The following MDGA2 variants were observed in gnomAD, a reference collection of about 807,000 sequenced individuals.
MDGA2 encodes MAM domain containing glycosylphosphatidylinositol anchor 2.
A neutral mutation model predicts 117.8 loss-of-function variants in MDGA2; 40 were observed. The ratio of observed to expected loss-of-function variants is 0.34; its 90% CI spans 0.26 to 0.44. The LOEUF is 0.44. Ranked by LOEUF, MDGA2 falls within the 20% of genes least tolerant of loss-of-function variation. The pLI is 1.00. For synonymous variants in MDGA2, 452 were observed against 439.0 expected, an observed-to-expected ratio of 1.03 and a Z score of -0.37; for missense variants, 1,123 against 1,250.6, an observed-to-expected ratio of 0.90 and a Z score of 1.54.
At chr14:47,118,194 G>A (rs1881434376) in intron 5 of MDGA2, among the ~76,000 whole-genome samples, 1 of 152,102 alleles carries the variant, frequency 6.6e-6, no homozygotes, top group Admixed American at 6.5e-5. Context: ...ACTATTCAAG[G>A]AGCTACATTT....
chr14:47,475,833 G>A (rs570306139), intron 1 of MDGA2, among the ~76,000 whole-genome samples: 8 of 152,112 alleles, frequency 5.3e-5, no homozygotes, highest in Non-Finnish European at 4.4e-5. Context: ...GTCAGGGATC[G>A]GGGAGCATCA....
chr14:47,489,199 A>G (rs1894118070), intron 1 of MDGA2, among the ~76,000 whole-genome samples: 1 of 123,036 alleles, frequency 8.1e-6, no homozygotes. Context: ...TGCTTCTCTG[A>G]CACAAAAAAA....
At chr14:47,459,739 C>T (rs1014709390) in intron 1 of MDGA2, among the ~76,000 whole-genome samples, 4 of 152,046 alleles carry the variant, frequency 2.6e-5, no homozygotes, top group Non-Finnish European at 5.9e-5. Flanking sequence ...TCATTATTCT[C>T]TGTCTCAAAC....
At chr14:47,306,842 G>GGAGAGAGA (rs10629208) in intron 1 of MDGA2, among the ~76,000 whole-genome samples, 4,957 of 146,602 alleles carry the variant, frequency 0.034, 234 homozygotes, top group African/African-American at 0.1. Context: ...AGAGAAAGAG[G>GGAGAGAGA]GAGAGAGAGA....
intron 1 of MDGA2, among the ~76,000 whole-genome samples, chr14:47,617,956 T>A (rs1389637170): frequency 6.6e-6 from 1 of 152,174 alleles, no homozygotes; most frequent in Non-Finnish European, 1.5e-5. Context: ...AATAACTTTT[T>A]AATTAAAAAG....
At chr14:46,905,649 T>C (rs1016717051) in intron 10 of MDGA2, among the ~76,000 whole-genome samples, 10 of 152,154 alleles carry the variant, frequency 6.6e-5, no homozygotes, top group Admixed American at 5.9e-4. Context: ...GTTACTATAT[T>C]GCTAGATGCT....
At chr14:46,965,538 GTT>G (rs1885993005) in intron 8 of MDGA2, among the ~76,000 whole-genome samples, 2 of 152,080 alleles carry the variant, frequency 1.3e-5, no homozygotes, top group African/African-American at 4.8e-5. Context: ...TTCCAGGGTG[GTT>G]TCTTCACCGC....
At chr14:47,131,679 T>C (rs370916409) in intron 5 of MDGA2, 35 bp downstream of exon 5, 8 of 1,442,294 alleles carry the variant, frequency 5.5e-6, no homozygotes, top group South Asian at 1.6e-5. Context: ...TAGTTGTAGA[T>C]AAGATACATG....
chr14:46,845,701 A>G, intron 16 of MDGA2, 65 bp downstream of exon 16: 2 of 948,322 alleles, frequency 2.1e-6, no homozygotes, highest in Admixed American at 5.0e-5. Flanking sequence ...ATTAAATTAA[A>G]TGTTAATTTA....
At chr14:46,993,211 A>G (rs1422333425) in intron 8 of MDGA2, among the ~76,000 whole-genome samples, 2 of 152,290 alleles carry the variant, frequency 1.3e-5, no homozygotes, top group East Asian at 3.9e-4. Context: ...ATTGTTTATT[A>G]AGCACATTTT....
At chr14:47,123,719 G>A (rs1881762793) in intron 5 of MDGA2, among the ~76,000 whole-genome samples, 1 of 151,958 alleles carries the variant, frequency 6.6e-6, no homozygotes, top group African/African-American at 2.4e-5. Context: ...TCTAACATAT[G>A]CAGTGACAAA....
rs56244321 is a variant in MDGA2, at chr14:47,563,578, GTTTTTTTTTTTTTT to G, written c.280+110925_280+110938del. Among the ~76,000 whole-genome samples, 88 of 56,948 alleles carry G rather than the reference GTTTTTTTTTTTTTT, an allele frequency of 1.5e-3. 1 individual carries two copies. Among genetic ancestry groups the G allele is most frequent in the East Asian group, 7.3e-3 (19 of 2,592 alleles). 37.4% of individuals were successfully genotyped at this position (56,948 alleles called of 152,430 possible). ...AGAATAGCAACCCCTGCTTTTTTCT[GTTTTTTTTTTTTTT>G]TTTTTTTTTTTTTTTTTGCTTGGTA... On this transcript the variant is annotated intron_variant, in intron 1 of 16. Transcript: ENST00000399232.
chr14:47,284,168 A>G (rs1419988838), intron 2 of MDGA2, among the ~76,000 whole-genome samples: 3 of 152,218 alleles, frequency 2.0e-5, no homozygotes, highest in Non-Finnish European at 2.9e-5. Context: ...AGAAGCACCC[A>G]TCCCAAATAA....
intron 2 of MDGA2, among the ~76,000 whole-genome samples, chr14:47,282,242 T>C (rs1888516980): frequency 2.6e-5 from 4 of 152,294 alleles, no homozygotes; most frequent in Admixed American, 2.0e-4. Flanking sequence ...GCTGGTGTTA[T>C]TATATACTAA....
At chr14:47,417,288 A>C (rs900380413) in intron 1 of MDGA2, among the ~76,000 whole-genome samples, 1 of 152,226 alleles carries the variant, frequency 6.6e-6, no homozygotes, top group Non-Finnish European at 1.5e-5. Context: ...AAATTTCTTC[A>C]AACATTCTAC....
intron 1 of MDGA2, among the ~76,000 whole-genome samples, chr14:47,455,249 T>C (rs760439825): frequency 1.3e-5 from 2 of 152,210 alleles, no homozygotes; most frequent in Non-Finnish European, 1.5e-5. Flanking sequence ...CTCACGCCTA[T>C]AATCCCAGCA....
At chr14:47,422,489 T>A in intron 1 of MDGA2, among the ~76,000 whole-genome samples, 1 of 152,122 alleles carries the variant, frequency 6.6e-6, no homozygotes, top group Admixed American at 6.6e-5. Flanking sequence ...TTCCCGAAAT[T>A]CAAGCTAAGA....
At chr14:47,622,681 A>G (rs770665816) in intron 1 of MDGA2, among the ~76,000 whole-genome samples, 19 of 152,234 alleles carry the variant, frequency 1.2e-4, no homozygotes, top group Non-Finnish European at 2.1e-4. Context: ...ATAAGTAGGG[A>G]AACTGACCCA....
chr14:47,627,050 G>A (rs1897158469), intron 1 of MDGA2, among the ~76,000 whole-genome samples: 1 of 152,206 alleles, frequency 6.6e-6, no homozygotes. Context: ...GTCTAGCTCA[G>A]GGTTTGTGAA....
Sources: gnomAD v4.1 joint callset for allele counts (sites outside exome capture counted in the v4.1 genomes callset) on GRCh38, gnomAD v4.1.1 for gene constraint, MANE v1.5 for transcripts, NCBI Gene and HGNC (gene_info 2026-07-23, HGNC 2026-07-21) for gene names.